PTCD1: variants seen among roughly 807,000 people sequenced by gnomAD.
PTCD1 encodes pentatricopeptide repeat-containing protein 1, mitochondrial.
Under a neutral mutation model 53.4 loss-of-function variants are expected in PTCD1, and 50 were observed. The observed-to-expected ratio is 0.94, with a 90% confidence interval of 0.75 to 1.19. The LOEUF (loss-of-function observed/expected upper bound fraction) is 1.19, where lower values mean the gene tolerates loss of function less well. Among genes scored for constraint, PTCD1 ranks in the 50% most tolerant of loss-of-function variants. The pLI, the probability that PTCD1 is intolerant of heterozygous loss-of-function variation, is 0.00. For synonymous variants in PTCD1, 413 were observed against 394.8 expected (o/e 1.05, Z -0.55); for missense variants, 918 against 904.8 (o/e 1.01, Z -0.19).
chr7:99,417,834 C>G lies in PTCD1; in HGVS notation c.*2133G>C, dbSNP rs1795591049. The G allele has an allele frequency of 2.7e-6, 4 of 1,463,356 alleles. No individual in the cohort carries two copies. The highest frequency in any genetic ancestry group is 3.6e-6 in the Non-Finnish European group (4 of 1,108,672). 90.6% of individuals were successfully genotyped at this position (1,463,356 alleles called of 1,614,324 possible). On this transcript the variant is annotated 3_prime_UTR_variant, in exon 8 of 8. Coordinates refer to ENST00000292478, the MANE Select transcript of PTCD1 (RefSeq NM_015545.4). ...CTCCACTTTTGGGCAAATTACTGAA[C>G]CCCTTTCCTCACTTAGGAAATGGTG...
At chr7:99,426,218 A>C in intron 5 of PTCD1, among the ~76,000 whole-genome samples, 1 of 129,652 alleles carries the variant, frequency 7.7e-6, no homozygotes, top group African/African-American at 3.0e-5. Flanking sequence ...CCCTCTTTCC[A>C]CAGTCTCCCT....
Position 99,425,013 on chromosome 7 carries a change from G to A in PTCD1, c.1519C>T (p.Leu507=). 5.0e-6 allele frequency: 8 copies of A among 1,614,244 alleles called. No individual in the cohort carries two copies. Among genetic ancestry groups the A allele is most frequent in the Non-Finnish European group, 6.8e-6 (8 of 1,180,048 alleles). The change falls in exon 6 of 8, where the codon CTG becomes TTG. Residue 507 remains leucine (L), a synonymous_variant. Coordinates refer to ENST00000292478, the MANE Select transcript of PTCD1 (RefSeq NM_015545.4). ...TGGTGCTCATCCAGGAGGGCCAGCAGCAAGGACTCTGCAGGACTCCCGGAC... is the reference window on the plus strand; with the variant it reads ...TGGTGCTCATCCAGGAGGGCCAGCAACAAGGACTCTGCAGGACTCCCGGAC... ...VESGSPAESL[L]LALLDEHQVE... is the part of the protein sequence containing the mutation.
In PTCD1 at chr7:99,429,749, A is replaced by G; in HGVS notation, c.652T>C (p.Cys218Arg). ...GAGTCCTTCCAGGGGGACTCGGCAC[A>G]GACGTTGAACAGGGCCGTGTAGGTG... The part of the protein sequence containing the change: ...DATYTALFNV[C>R]AESPWKDSAL... The change falls in exon 4 of 8, where the codon TGT becomes CGT. Residue 218 changes from cysteine to arginine, a missense_variant. Transcript: ENST00000292478. 1.2e-6 allele frequency: 2 copies of G among 1,614,220 alleles called. No individual in the cohort carries two copies. The highest frequency in any genetic ancestry group is 1.7e-6 in the Non-Finnish European group (2 of 1,180,038).
intron 7 of PTCD1, among the ~76,000 whole-genome samples, chr7:99,422,485 C>G (rs1795861414): frequency 6.6e-6 from 1 of 152,230 alleles, no homozygotes; most frequent in African/African-American, 2.4e-5. Flanking sequence ...TTCCATGACT[C>G]TGCCCTGCTC....
intron 7 of PTCD1, 61 bp from the exon 8 acceptor site, chr7:99,420,210 G>T: frequency 6.2e-7 from 1 of 1,609,538 alleles, no homozygotes; most frequent in Non-Finnish European, 8.5e-7. Flanking sequence ...CCCAAACCTC[G>T]GCAGCTGGCT....
intron 1 of PTCD1, among the ~76,000 whole-genome samples, chr7:99,437,778 C>T (rs1340918545): frequency 2.0e-5 from 3 of 152,146 alleles, no homozygotes; most frequent in Non-Finnish European, 4.4e-5. Context: ...CATGCTCATG[C>T]CTCAGCCTCC....
intron 1 of PTCD1, among the ~76,000 whole-genome samples, 183 bp from the exon 2 acceptor site, chr7:99,435,451 C>T (rs993497947): frequency 2.0e-5 from 3 of 150,612 alleles, no homozygotes; most frequent in African/African-American, 7.3e-5. Context: ...CCAGCCTGGA[C>T]AACATGGTGA....
At chr7:99,426,342 A>G (rs1363429135) in intron 5 of PTCD1, among the ~76,000 whole-genome samples, 4 of 152,098 alleles carry the variant, frequency 2.6e-5, no homozygotes, top group Non-Finnish European at 5.9e-5. Context: ...GGCGCGCGCC[A>G]CCACGCCTGA....
chr7:99,437,723 G>T (rs1403033579), intron 1 of PTCD1, among the ~76,000 whole-genome samples: 5 of 152,094 alleles, frequency 3.3e-5, no homozygotes, highest in Middle Eastern at 3.2e-3. Context: ...GGAGTGGGGT[G>T]GTACAATCTC....
At chr7:99,421,396 C>T (rs189076228) in intron 7 of PTCD1, among the ~76,000 whole-genome samples, 1 of 150,350 alleles carries the variant, frequency 6.7e-6, no homozygotes, top group East Asian at 1.9e-4. Context: ...CCACTGCACT[C>T]CAGCCTGGGC....
chr7:99,431,512 C>T (rs1199651015), intron 3 of PTCD1, among the ~76,000 whole-genome samples: 1 of 151,892 alleles, frequency 6.6e-6, no homozygotes, highest in African/African-American at 2.4e-5. Context: ...GAGGCCAAGG[C>T]GGGTGGACCA....
chr7:99,421,914 A>G (rs1795838671), intron 7 of PTCD1, among the ~76,000 whole-genome samples: 1 of 152,134 alleles, frequency 6.6e-6, no homozygotes, highest in Admixed American at 6.5e-5. Context: ...AAGTTGAAAA[A>G]TCCTGTGTAG....
At position 99,429,741 on chromosome 7, in the gene PTCD1, C is replaced by T. The variant is rs761682682; in HGVS notation, c.660G>A (p.Glu220=). 2 of 1,614,248 alleles carry T rather than the reference C, an allele frequency of 1.2e-6. No individual in the cohort carries two copies. The highest frequency in any genetic ancestry group is 8.5e-7 in the Non-Finnish European group (1 of 1,180,040). The change falls in exon 4 of 8, where the codon GAG becomes GAA. Residue 220 remains glutamate, a synonymous_variant. Coordinates refer to ENST00000292478, the MANE Select transcript of PTCD1 (RefSeq NM_015545.4). ...GTAGAGCTGAGTCCTTCCAGGGGGA[C>T]TCGGCACAGACGTTGAACAGGGCCG... ...TYTALFNVCA[E]SPWKDSALQS...
intron 1 of PTCD1, among the ~76,000 whole-genome samples, chr7:99,435,475 T>C (rs942325574): frequency 1.1e-4 from 16 of 150,840 alleles, no homozygotes; most frequent in South Asian, 8.4e-4. Context: ...CCCGTCTCTA[T>C]GAAAAATACA....
Position 99,429,597 on chromosome 7 carries a change from A to G in PTCD1, c.804T>C (p.Asp268=). 1.2e-6 allele frequency: 2 copies of G among 1,614,190 alleles called. No individual in the cohort carries two copies. The highest frequency in any genetic ancestry group is 1.1e-5 in the South Asian group (1 of 91,082). ...AKCADLRMCL[D]VFKEIIHKGH... The stretch of plus-strand genomic sequence containing the variant: ...GCAGGGGAAGCCCCACCTTGAACAC[A>G]TCGAGGCACATCCTAAGGTCTGCGC... The change falls in exon 4 of 8, where the codon GAT becomes GAC. Residue 268 remains aspartate, a synonymous_variant. Transcript: ENST00000292478.
chr7:99,421,723 C>T (rs2150946449), intron 7 of PTCD1, among the ~76,000 whole-genome samples: 1 of 152,224 alleles, frequency 6.6e-6, no homozygotes, highest in East Asian at 1.9e-4. Flanking sequence ...TCACTGCACT[C>T]CAGCCTGGGT....
chr7:99,433,371 C>T lies in PTCD1; in HGVS notation c.501G>A (p.Glu167=), dbSNP rs775066015. 1 of 1,614,192 alleles carries T rather than the reference C, an allele frequency of 6.2e-7. No homozygotes were observed. ...DLFERQMLKE[E]RLQPMESNYT... ...AGTTGCTCTCCATGGGCTGCAATCG[C>T]TCCTCCTTCAGCATCTGCCTCTCAA... The change falls in exon 3 of 8, where the codon GAG becomes GAA. Residue 167 remains glutamate (E), a synonymous_variant. Transcript: ENST00000292478.
intron 5 of PTCD1, among the ~76,000 whole-genome samples, chr7:99,426,151 C>T (rs1796009109): frequency 6.8e-6 from 1 of 146,718 alleles, no homozygotes; most frequent in Non-Finnish European, 1.5e-5. Context: ...TCTCCCTCTC[C>T]CTCTCCCTCT....
At chr7:99,433,228 GC>G (rs1796331858) in intron 3 of PTCD1, 49 bp downstream of exon 3, 1 of 1,613,784 alleles carries the variant, frequency 6.2e-7, no homozygotes, top group Non-Finnish European at 8.5e-7. Flanking sequence ...CTTGGGATCC[GC>G]CCCCAGCTTT....
Sources: gnomAD v4.1 joint callset for allele counts (sites outside exome capture counted in the v4.1 genomes callset) on GRCh38, gnomAD v4.1.1 for gene constraint, MANE v1.5 for transcripts, NCBI Gene and HGNC (gene_info 2026-07-23, HGNC 2026-07-21) for gene names.